Variants in IKZF1 observed in about 807,000 individuals in gnomAD.
The protein encoded by IKZF1 is DNA-binding protein Ikaros.
A neutral mutation model predicts 51.7 loss-of-function variants in IKZF1; 10 were observed. The observed-to-expected ratio is 0.19, with a 90% CI of 0.12 to 0.33. The LOEUF is 0.33. Ranked by LOEUF, IKZF1 falls within the 10% of genes least tolerant of loss-of-function variation. The pLI is 1.00. For synonymous variants in IKZF1, 280 were observed against 282.3 expected, an observed-to-expected ratio of 0.99 and a Z score of 0.08; for missense variants, 484 against 707.5, an observed-to-expected ratio of 0.68 and a Z score of 3.58.
intron 7 of IKZF1, among the ~76,000 whole-genome samples, chr7:50,397,727 G>A (rs1817078661): frequency 6.6e-6 from 1 of 152,152 alleles, no homozygotes; most frequent in South Asian, 2.1e-4. Flanking sequence ...AAATTGTGTG[G>A]TTTCAGCAGT....
rs34234461 is a variant in IKZF1 at position 50,401,915 on chromosome 7, TA to T, written c.*1289del. 6,415 of 226,342 alleles carry T rather than the reference TA, an allele frequency of 0.028. 126 individuals carry two copies. Among genetic ancestry groups the T allele is most frequent in the Non-Finnish European group, 0.04 (4,532 of 113,708 alleles). 14.0% of individuals were successfully genotyped at this position (226,342 alleles called of 1,614,324 possible). A position where few individuals can be genotyped will look rare whatever the true frequency, so the allele number is the denominator to read the frequency against. ...GCAAGCCAGCATGTGTGTCCACACA[TA>T]CATAGGATGGCTGGCTCTGCACCTG... On this transcript the variant is annotated 3_prime_UTR_variant, in exon 8 of 8. Coordinates refer to ENST00000331340, the MANE Select transcript of IKZF1 (RefSeq NM_006060.6).
At chr7:50,378,245 A>G (rs1340465472) in intron 4 of IKZF1, among the ~76,000 whole-genome samples, 2 of 152,192 alleles carry the variant, frequency 1.3e-5, no homozygotes, top group African/African-American at 4.8e-5. Context: ...TCTTCCATAA[A>G]AATTCAACTT....
intron 1 of IKZF1, among the ~76,000 whole-genome samples, 175 bp downstream of exon 1, chr7:50,305,097 C>T (rs1788463973): frequency 1.3e-5 from 2 of 152,298 alleles, no homozygotes; most frequent in African/African-American, 2.4e-5. Context: ...GTCTGTTGCT[C>T]TGCACTGTGC....
chr7:50,374,680 A>G (rs1231845695), intron 3 of IKZF1, among the ~76,000 whole-genome samples: 2 of 152,192 alleles, frequency 1.3e-5, no homozygotes, highest in Non-Finnish European at 2.9e-5. Flanking sequence ...CCCAACCACT[A>G]TCCTCAGCTA....
chr7:50,315,903 A>G (rs1935241043), intron 1 of IKZF1, among the ~76,000 whole-genome samples: 1 of 152,208 alleles, frequency 6.6e-6, no homozygotes, highest in African/African-American at 2.4e-5. Flanking sequence ...TTTGTAAAAT[A>G]CACAGCCGAA....
Position 50,318,617 on chromosome 7 carries a change from G to A in IKZF1, c.-14-431G>A, listed in dbSNP as rs1054314306. On this transcript the variant is annotated intron_variant, in intron 1 of 7. Transcript: ENST00000331340. ...TTGCTTCGTTTTTTGATTGCTGATTGTACGCGTGTCACCAAGCTGACTCAA... is the reference window on the plus strand; with the variant it reads ...TTGCTTCGTTTTTTGATTGCTGATTATACGCGTGTCACCAAGCTGACTCAA... 15 of 216,988 alleles carry A rather than the reference G, an allele frequency of 6.9e-5. No homozygotes were observed. In the East Asian group the frequency reaches 9.0e-4, roughly 13 times the overall value. 13.4% of individuals were successfully genotyped at this position (216,988 alleles called of 1,614,324 possible). A position where few individuals can be genotyped will look rare whatever the true frequency, so the allele number is the denominator to read the frequency against.
At chr7:50,362,838 G>A (rs563537833) in intron 3 of IKZF1, among the ~76,000 whole-genome samples, 35 of 152,142 alleles carry the variant, frequency 2.3e-4, no homozygotes, top group Admixed American at 4.6e-4. Context: ...GATTGAGAGG[G>A]GTGCCTGAAA....
At chr7:50,322,273 T>C (rs1793581116) in intron 2 of IKZF1, among the ~76,000 whole-genome samples, 1 of 152,190 alleles carries the variant, frequency 6.6e-6, no homozygotes, top group African/African-American at 2.4e-5. Flanking sequence ...TTATAAGAAA[T>C]CTTAACAAGA....
chr7:50,354,987 C>T (rs949656909), intron 3 of IKZF1, among the ~76,000 whole-genome samples: 1 of 152,100 alleles, frequency 6.6e-6, no homozygotes, highest in Non-Finnish European at 1.5e-5. Flanking sequence ...TTTTGTGACA[C>T]CTGTTCAGGA....
intron 7 of IKZF1, among the ~76,000 whole-genome samples, chr7:50,399,147 CAG>C (rs1372582664): frequency 6.6e-6 from 1 of 152,182 alleles, no homozygotes; most frequent in Non-Finnish European, 1.5e-5. Context: ...TAAAAAATAA[CAG>C]ATGAATAGCA....
At chr7:50,331,000 C>T (rs1796336827) in intron 3 of IKZF1, among the ~76,000 whole-genome samples, 1 of 152,132 alleles carries the variant, frequency 6.6e-6, no homozygotes, top group Non-Finnish European at 1.5e-5. Flanking sequence ...TCACTTTCCT[C>T]TTTTGAAGGT....
chr7:50,309,643 A>G (rs1451174706), intron 1 of IKZF1, among the ~76,000 whole-genome samples: 2 of 152,238 alleles, frequency 1.3e-5, no homozygotes, highest in Non-Finnish European at 2.9e-5. Context: ...GTTTGAAACT[A>G]TTTGAAAATG....
intron 3 of IKZF1, chr7:50,368,863 T>A (rs1807806716): frequency 4.5e-6 from 1 of 221,424 alleles, no homozygotes; most frequent in Non-Finnish European, 9.0e-6. Context: ...GTCGCATTTG[T>A]TAACACTGTG....
At position 50,402,408 on chromosome 7, in the gene IKZF1, C is replaced by A. The variant is rs1818286520; in HGVS notation, c.*1781C>A. 8.7e-6 allele frequency: 2 copies of A among 230,918 alleles called. No homozygotes were observed. The highest frequency in any genetic ancestry group is 8.6e-6 in the Non-Finnish European group (1 of 116,538). 14.3% of individuals were successfully genotyped at this position (230,918 alleles called of 1,614,324 possible). ...GGATAATTAGCAGTATCCCTGGTGG[C>A]TACCCAATAGACGCCAGTAGCACCC... On this transcript the variant is annotated 3_prime_UTR_variant, in exon 8 of 8. Transcript: ENST00000331340.
At chr7:50,319,599 G>GA (rs1451752278) in intron 2 of IKZF1, among the ~76,000 whole-genome samples, 1 of 152,136 alleles carries the variant, frequency 6.6e-6, no homozygotes, top group Non-Finnish European at 1.5e-5. Flanking sequence ...TCTGTAGTAG[G>GA]AAAAGCCTAA....
chr7:50,367,782 A>G (rs1807397232), intron 3 of IKZF1: 1 of 527,300 alleles, frequency 1.9e-6, no homozygotes, highest in African/African-American at 1.9e-5. Flanking sequence ...ACTTTATGGG[A>G]TATAATGCTG....
intron 3 of IKZF1, among the ~76,000 whole-genome samples, chr7:50,362,419 T>C (rs1016774513): frequency 6.6e-6 from 1 of 152,240 alleles, no homozygotes; most frequent in Non-Finnish European, 1.5e-5. Flanking sequence ...CTGCCTTCTT[T>C]TTCACCTTCA....
At chr7:50,379,191 A>G (rs1019127666) in intron 4 of IKZF1, among the ~76,000 whole-genome samples, 4 of 152,262 alleles carry the variant, frequency 2.6e-5, no homozygotes, top group African/African-American at 9.6e-5. Flanking sequence ...GCAGCAGGGC[A>G]GTGCAGCTGA....
chr7:50,382,489 A>G (rs1412270651), intron 4 of IKZF1, 51 bp from the exon 5 acceptor site: 20 of 1,565,912 alleles, frequency 1.3e-5, no homozygotes, highest in East Asian at 4.6e-5. Flanking sequence ...CATCGTCCTC[A>G]TGTCCCCACG....
Sources: allele counts gnomAD v4.1 joint callset (sites outside exome capture counted in the v4.1 genomes callset), GRCh38; gene constraint gnomAD v4.1.1; transcripts MANE v1.5; gene names NCBI Gene and HGNC (gene_info 2026-07-23, HGNC 2026-07-21).